Variants in GRM1 observed in about 807,000 individuals in gnomAD.
GRM1 encodes glutamate metabotropic receptor 1.
GRM1 carries 33 observed loss-of-function variants against 90.9 expected under a neutral mutation model. The observed-to-expected ratio is 0.36, with a 90% confidence interval of 0.28 to 0.49. GRM1 has a LOEUF of 0.49. GRM1 is among the 20% of genes least tolerant of loss of function. The probability of loss-of-function intolerance (pLI) is 0.99; values close to 1 mark genes in which losing one functional copy is unlikely to be tolerated. For missense variants in GRM1, 1,190 were observed against 1,534.3 expected (o/e 0.78, Z 3.75); for synonymous variants, 700 against 613.2 (o/e 1.14, Z -2.09).
chr6:146,118,873 T>C (rs949950568), intron 1 of GRM1, among the ~76,000 whole-genome samples: 1 of 152,216 alleles, frequency 6.6e-6, no homozygotes, highest in Non-Finnish European at 1.5e-5. Context: ...CAAGTCTTTG[T>C]TATTGTGAAT....
intron 1 of GRM1, among the ~76,000 whole-genome samples, chr6:146,090,956 A>G (rs1776696636): frequency 3.9e-5 from 6 of 152,104 alleles, no homozygotes; most frequent in Admixed American, 3.9e-4. Context: ...AGCATACAGG[A>G]GTCCAAACAG....
intron 2 of GRM1, among the ~76,000 whole-genome samples, chr6:146,175,556 GA>G (rs1387003711): frequency 6.6e-6 from 1 of 152,106 alleles, no homozygotes; most frequent in Admixed American, 6.6e-5. Flanking sequence ...TGAAAAACAG[GA>G]GTATTTTGCT....
chr6:146,400,399 A>T (rs1394405803), intron 7 of GRM1, among the ~76,000 whole-genome samples: 3 of 150,642 alleles, frequency 2.0e-5, no homozygotes, highest in Admixed American at 2.0e-4. Context: ...ATAAAGCACC[A>T]AAAAATAAAA....
At chr6:146,028,232 A>AGTGTGTGTGTGTGTGTGT (rs60190108), upstream of GRM1, among the ~76,000 whole-genome samples, 1 of 130,284 alleles carries the variant, frequency 7.7e-6, no homozygotes, top group African/African-American at 2.9e-5. Context: ...AGTGGAAGGG[A>AGTGTGTGTGTGTGTGTGT]GTGTGTGTGT....
intron 1 of GRM1, among the ~76,000 whole-genome samples, chr6:146,118,086 T>C (rs1775826432): frequency 6.6e-6 from 1 of 151,870 alleles, no homozygotes; most frequent in Middle Eastern, 3.4e-3. Flanking sequence ...TGTATGTCTT[T>C]ATATATCTGA....
At chr6:146,171,247 C>T (rs1460164580) in intron 2 of GRM1, 2 of 152,104 alleles carry the variant, frequency 1.3e-5, no homozygotes, top group South Asian at 2.1e-4. Context: ...ATTACCACAA[C>T]GTTAATGACT....
At chr6:146,185,477 C>T (rs750485797) in intron 2 of GRM1, among the ~76,000 whole-genome samples, 1 of 152,168 alleles carries the variant, frequency 6.6e-6, no homozygotes, top group African/African-American at 2.4e-5. Context: ...TGAAAGATTC[C>T]TTCCTTTCTG....
intron 5 of GRM1, among the ~76,000 whole-genome samples, chr6:146,374,084 T>C (rs1776003216): frequency 6.6e-6 from 1 of 152,172 alleles, no homozygotes; most frequent in Non-Finnish European, 1.5e-5. Flanking sequence ...AAGTTGAATT[T>C]TACCAAATGC....
intron 1 of GRM1, among the ~76,000 whole-genome samples, chr6:146,139,979 TC>T (rs1776786970): frequency 8.6e-6 from 1 of 116,040 alleles, no homozygotes; most frequent in African/African-American, 3.4e-5. Flanking sequence ...TCCCTCCGCT[TC>T]CCTCCGCTTC....
At chr6:146,354,120 A>G (rs1261845187) in intron 4 of GRM1, among the ~76,000 whole-genome samples, 1 of 152,198 alleles carries the variant, frequency 6.6e-6, no homozygotes, top group African/African-American at 2.4e-5. Flanking sequence ...CATTGTCAGC[A>G]ATTAAAATGA....
At chr6:146,105,494 ATAAAC>A (rs1777196538) in intron 1 of GRM1, among the ~76,000 whole-genome samples, 1 of 152,150 alleles carries the variant, frequency 6.6e-6, no homozygotes, top group African/African-American at 2.4e-5. Flanking sequence ...AGGTTTTTGA[ATAAAC>A]TTTGTTCATA....
chr6:146,384,979 G>A (rs1776449976), intron 5 of GRM1, among the ~76,000 whole-genome samples: 1 of 151,950 alleles, frequency 6.6e-6, no homozygotes, highest in South Asian at 2.1e-4. Context: ...AAAGCTAAAA[G>A]AAATGAGCAA....
chr6:146,102,434 C>A (rs1777082211), intron 1 of GRM1, among the ~76,000 whole-genome samples: 1 of 152,148 alleles, frequency 6.6e-6, no homozygotes, highest in South Asian at 2.1e-4. Flanking sequence ...CCTAAACTTC[C>A]TTCTCCTCCT....
intron 3 of GRM1, among the ~76,000 whole-genome samples, chr6:146,350,142 T>C (rs362870): frequency 0.027 from 4,104 of 152,350 alleles, 69 homozygotes; most frequent in Non-Finnish European, 0.043. Flanking sequence ...GTCTCAGTGC[T>C]GATGAATGAA....
At chr6:146,324,378 A>G (rs2114978370) in intron 3 of GRM1, among the ~76,000 whole-genome samples, 1 of 152,292 alleles carries the variant, frequency 6.6e-6, no homozygotes. Flanking sequence ...CCCTGGCTTC[A>G]GCCCCCTTTC....
chr6:146,351,155 A>G (rs578104197), intron 3 of GRM1, among the ~76,000 whole-genome samples: 1 of 152,270 alleles, frequency 6.6e-6, no homozygotes, highest in Non-Finnish European at 1.5e-5. Context: ...CCAGTGACCT[A>G]TTTAGGTTGG....
At chr6:146,151,791 A>AC (rs1173688358) in intron 1 of GRM1, among the ~76,000 whole-genome samples, 1 of 152,162 alleles carries the variant, frequency 6.6e-6, no homozygotes, top group Non-Finnish European at 1.5e-5. Context: ...TCTGGTATAA[A>AC]CAATCATGTC....
chr6:146,144,995 A>G (rs931945423), intron 1 of GRM1, among the ~76,000 whole-genome samples: 1 of 152,260 alleles, frequency 6.6e-6, no homozygotes, highest in African/African-American at 2.4e-5. Context: ...TTCATGCCCA[A>G]GGGCTTTGTG....
Position 146,352,399 on chromosome 6 carries a change from G to A in GRM1, c.1336G>A (p.Asp446Asn), listed in dbSNP as rs747434107. The A allele has an allele frequency of 2.7e-5, 43 of 1,613,966 alleles. No homozygotes were observed. The highest frequency in any genetic ancestry group is 2.7e-5 in the African/African-American group (2 of 74,938). The change falls in exon 4 of 8, where the codon GAC becomes AAC. Residue 446 changes from aspartate to asparagine, a missense_variant. Physicochemically the swap from Asp to Asn is conservative, Grantham distance 23 (BLOSUM62 1). Around this residue, in one of 10 missense-constraint regions of GRM1, gnomAD observed 414 missense variants for 598.4 expected, o/e 0.69. Transcript: ENST00000282753. The stretch of plus-strand genomic sequence containing the variant: ...CCTCTGCGATGCCATGAAGCCCATC[G>A]ACGGCAGCAAGCTGCTGGACTTCCT... ...VGLCDAMKPIDGSKLLDFLIK... is the reference protein window; with the variant it reads ...VGLCDAMKPINGSKLLDFLIK...
Sources: allele counts gnomAD v4.1 joint callset (sites outside exome capture counted in the v4.1 genomes callset), GRCh38; gene constraint gnomAD v4.1.1; regional missense constraint gnomAD v4.1.1; transcripts MANE v1.5; gene names NCBI Gene and HGNC (gene_info 2026-07-23, HGNC 2026-07-21).